Variants in PINX1 observed in about 807,000 individuals in gnomAD.
The protein encoded by PINX1 is PIN2/TERF1-interacting telomerase inhibitor 1.
A neutral mutation model predicts 25.4 loss-of-function variants in PINX1; 34 were observed. The ratio of observed to expected loss-of-function variants is 1.34; its 90% CI spans 1.02 to 1.78. The LOEUF (loss-of-function observed/expected upper bound fraction) is 1.78. PINX1 is among the 40% of genes most tolerant of loss of function. PINX1 has a pLI of 0.00. For synonymous variants in PINX1, 197 were observed against 147.7 expected (o/e 1.33, Z -2.42); for missense variants, 592 against 404.9 (o/e 1.46, Z -3.97).
intron 6 of PINX1, among the ~76,000 whole-genome samples, chr8:10,793,817 A>C (rs945960730): frequency 6.6e-6 from 1 of 152,210 alleles, no homozygotes; most frequent in Non-Finnish European, 1.5e-5. Context: ...TGTTGTAACA[A>C]ATCATGACAA....
At position 10,785,575 on chromosome 8, in the gene PINX1, T is replaced by G. The variant is rs75699916; in HGVS notation, c.472-19659A>C. On this transcript the variant is annotated intron_variant, in intron 6 of 6. Coordinates refer to ENST00000314787, the MANE Select transcript of PINX1 (RefSeq NM_017884.6). ...TTGTTGTACTAATTACAATTAGTTC[T>G]TATTATAGCAATCCCACTGGGACAG... Among the ~76,000 whole-genome samples, 345 of 152,378 alleles carry G rather than the reference T, an allele frequency of 2.3e-3. 2 individuals carry two copies. The highest frequency in any genetic ancestry group is 7.9e-3 in the African/African-American group (327 of 41,594).
chr8:10,771,933 A>T (rs1563201251), intron 6 of PINX1, among the ~76,000 whole-genome samples: 3 of 152,188 alleles, frequency 2.0e-5, no homozygotes, highest in Non-Finnish European at 4.4e-5. Context: ...CTTAGCAATA[A>T]ATAGAAACTC....
intron 2 of PINX1, 93 bp from the exon 3 acceptor site, chr8:10,833,077 G>A: frequency 2.8e-6 from 2 of 707,602 alleles, no homozygotes. Flanking sequence ...CCTACGGCAG[G>A]TGTTCTGAGT....
intron 4 of PINX1, among the ~76,000 whole-genome samples, chr8:10,829,408 A>G (rs543795688): frequency 4.6e-5 from 7 of 152,148 alleles, no homozygotes; most frequent in Admixed American, 2.6e-4. Context: ...TGCCAGCCAC[A>G]CTATCAGGAG....
chr8:10,820,010 T>C (rs955844534), intron 6 of PINX1, among the ~76,000 whole-genome samples, 183 bp downstream of exon 6: 5 of 152,186 alleles, frequency 3.3e-5, no homozygotes, highest in African/African-American at 9.6e-5. Flanking sequence ...AAAGATTCCT[T>C]ATAAAACATT....
chr8:10,769,291 A>G lies in PINX1; in HGVS notation c.472-3375T>C, dbSNP rs1049569201. Reference sequence around the variant, plus strand: ...ATTACTTTTGCACCAACCTAATAAAATAAGCAGGACTGGCCTAGTCTGTTC... The same window carrying G: ...ATTACTTTTGCACCAACCTAATAAAGTAAGCAGGACTGGCCTAGTCTGTTC... On this transcript the variant is annotated intron_variant, in intron 6 of 6. Transcript: ENST00000314787. Among the ~76,000 whole-genome samples the G allele has an allele frequency of 2.6e-5, 4 of 152,182 alleles. No homozygotes were observed. The East Asian group carries it at 5.8e-4, about 22-fold the overall frequency.
chr8:10,773,743 T>C (rs1195347218), intron 6 of PINX1, among the ~76,000 whole-genome samples: 1 of 152,190 alleles, frequency 6.6e-6, no homozygotes, highest in Non-Finnish European at 1.5e-5. Context: ...AAAAGGATGG[T>C]TCTCTATGGC....
intron 6 of PINX1, among the ~76,000 whole-genome samples, chr8:10,791,257 C>G (rs1801914053): frequency 6.6e-6 from 1 of 152,142 alleles, no homozygotes; most frequent in African/African-American, 2.4e-5. Context: ...CAACACCCAC[C>G]AGAAAAGTCA....
chr8:10,828,550 A>G (rs1281407799), intron 4 of PINX1, among the ~76,000 whole-genome samples: 1 of 152,200 alleles, frequency 6.6e-6, no homozygotes, highest in Non-Finnish European at 1.5e-5. Flanking sequence ...CACATCCTGA[A>G]GCACCACGCC....
rs949728198 is a variant in PINX1, at chr8:10,765,835, G to T, written c.553C>A (p.Arg185=). 1.2e-6 allele frequency: 2 copies of T among 1,613,896 alleles called. No homozygotes were observed. The highest frequency in any genetic ancestry group is 3.3e-5 in the Admixed American group (2 of 60,032). Residue 185 remains arginine (R), a synonymous_variant, in exon 7 of 7, where the codon CGG becomes AGG. Transcript: ENST00000314787. ...GGCTTGTTCTTCAGTGCTGCCATCC[G>T]CTTGGCAAAGTACTCCTGGATGGTG... ...AFTIQEYFAK[R]MAALKNKPQV...
At chr8:10,811,769 G>T (rs1022394937) in intron 6 of PINX1, among the ~76,000 whole-genome samples, 5 of 152,112 alleles carry the variant, frequency 3.3e-5, no homozygotes, top group African/African-American at 1.2e-4. Flanking sequence ...GGGGCAGCTG[G>T]ACTATTTACA....
chr8:10,811,696 A>C (rs1338428570), intron 6 of PINX1, among the ~76,000 whole-genome samples: 1 of 152,000 alleles, frequency 6.6e-6, no homozygotes, highest in Non-Finnish European at 1.5e-5. Flanking sequence ...TGCATAACTC[A>C]CTGATCATGG....
chr8:10,797,221 C>T (rs2129078613), intron 6 of PINX1, among the ~76,000 whole-genome samples: 1 of 152,344 alleles, frequency 6.6e-6, no homozygotes, highest in East Asian at 1.9e-4. Context: ...TCAGCTTCCT[C>T]ATGAGTAGTT....
At chr8:10,787,874 T>C (rs769415650) in intron 6 of PINX1, 1 of 454,174 alleles carries the variant, frequency 2.2e-6, no homozygotes, top group South Asian at 1.6e-5. Flanking sequence ...GTTAAGAAAG[T>C]CTGAAAGACA....
chr8:10,793,113 CATG>C (rs1801975295), intron 6 of PINX1, among the ~76,000 whole-genome samples: 1 of 152,278 alleles, frequency 6.6e-6, no homozygotes. Flanking sequence ...GGTAGATACA[CATG>C]ATGACGAAAG....
chr8:10,794,069 G>C (rs2129077488), intron 6 of PINX1, among the ~76,000 whole-genome samples: 1 of 152,280 alleles, frequency 6.6e-6, no homozygotes, highest in Middle Eastern at 3.4e-3. Context: ...TTTAAAAAAT[G>C]GACTTGCTAG....
At chr8:10,839,118 A>AG (rs1491280648) in intron 1 of PINX1, among the ~76,000 whole-genome samples, 5 of 151,750 alleles carry the variant, frequency 3.3e-5, no homozygotes, top group Non-Finnish European at 7.4e-5. Context: ...CTACAGAGAC[A>AG]GGGGTTTCAC....
chr8:10,801,196 G>T (rs1221082733), intron 6 of PINX1, among the ~76,000 whole-genome samples: 2 of 152,198 alleles, frequency 1.3e-5, no homozygotes, highest in African/African-American at 4.8e-5. Flanking sequence ...CTGCAGAAAG[G>T]GAAGGAAGGG....
intron 1 of PINX1, among the ~76,000 whole-genome samples, chr8:10,835,577 T>C (rs560345870): frequency 6.4e-4 from 97 of 152,332 alleles, no homozygotes; most frequent in Non-Finnish European, 1.2e-3. Flanking sequence ...AACTTATCTG[T>C]TTCTTAACAT....
Sources: gnomAD v4.1 joint callset for allele counts (sites outside exome capture counted in the v4.1 genomes callset) on GRCh38, gnomAD v4.1.1 for gene constraint, MANE v1.5 for transcripts, NCBI Gene and HGNC (gene_info 2026-07-23, HGNC 2026-07-21) for gene names.